Variants in GRIK4 observed in about 807,000 individuals in gnomAD.
The protein encoded by GRIK4 is glutamate receptor ionotropic, kainate 4.
GRIK4 carries 40 observed loss-of-function variants against 104.9 expected under a neutral mutation model. That is an observed-to-expected ratio of 0.38 (90% CI 0.30 to 0.50). The LOEUF is 0.50. GRIK4 is among the 20% of genes least tolerant of loss of function. The pLI is 0.93. For synonymous variants in GRIK4, 485 were observed against 524.9 expected (o/e 0.92, Z 1.04); for missense variants, 1,047 against 1,308.1 (o/e 0.80, Z 3.08).
In GRIK4 at chr11:120,620,313, G is replaced by C. The variant is rs961504034; in HGVS notation, c.-158-33372G>C. 15 of 659,296 alleles carry C rather than the reference G, an allele frequency of 2.3e-5. No individual in the cohort carries two copies. The South Asian group carries it at 2.4e-4, about 10-fold the overall frequency. The allele number at this position is 659,296 out of a possible 1,614,324, so 40.8% of individuals were successfully genotyped here. A position where few individuals can be genotyped will look rare whatever the true frequency, so the allele number is the denominator to read the frequency against. On this transcript the variant is annotated intron_variant, in intron 1 of 20. Transcript: ENST00000527524. ...CTACTTTGCTTCCTCAGGAACTTTA[G>C]TAGTTTCCCAGAGTTCTTTTTCTGC...
chr11:120,787,852 CTTTT>C (rs58523604), intron 3 of GRIK4, among the ~76,000 whole-genome samples: 10 of 77,108 alleles, frequency 1.3e-4, no homozygotes, highest in African/African-American at 4.9e-4. Flanking sequence ...CTTTTCTTTT[CTTTT>C]TTTTTTTTTT....
At chr11:120,840,445 T>C (rs1466271606) in intron 8 of GRIK4, among the ~76,000 whole-genome samples, 5 of 152,240 alleles carry the variant, frequency 3.3e-5, no homozygotes, top group Admixed American at 3.3e-4. Flanking sequence ...AGAGGAAATC[T>C]CTGATCAACA....
At chr11:120,593,188 A>G (rs1948757111) in intron 1 of GRIK4, among the ~76,000 whole-genome samples, 2 of 151,648 alleles carry the variant, frequency 1.3e-5, no homozygotes, top group South Asian at 4.2e-4. Context: ...TCTCAAAAAA[A>G]AAAAAAAAAA....
At chr11:120,850,796 C>CATTATTATTATTATTATT (rs60692595) in intron 8 of GRIK4, among the ~76,000 whole-genome samples, 144 of 144,814 alleles carry the variant, frequency 9.9e-4, no homozygotes, top group South Asian at 2.1e-3. Flanking sequence ...TGGCAAATCA[C>CATTATTATTATTATTATT]ATTATTATTA....
At chr11:120,585,355 T>C (rs1232661128) in intron 1 of GRIK4, among the ~76,000 whole-genome samples, 34 of 147,412 alleles carry the variant, frequency 2.3e-4, no homozygotes, top group Admixed American at 1.3e-3. Flanking sequence ...TTTTTTTTTT[T>C]CTTTTTTTTT....
intron 6 of GRIK4, among the ~76,000 whole-genome samples, chr11:120,820,436 G>T (rs920849212): frequency 6.6e-6 from 1 of 152,214 alleles, no homozygotes; most frequent in African/African-American, 2.4e-5. Context: ...TCCTGATAAA[G>T]CATTTTTTAG....
intron 1 of GRIK4, among the ~76,000 whole-genome samples, chr11:120,606,594 A>G (rs1437463966): frequency 2.0e-5 from 3 of 152,160 alleles, no homozygotes; most frequent in African/African-American, 7.2e-5. Flanking sequence ...AGCACCTACT[A>G]AGTGTTAGAT....
At chr11:120,817,609 A>G (rs918853207) in intron 5 of GRIK4, among the ~76,000 whole-genome samples, 19 of 152,052 alleles carry the variant, frequency 1.2e-4, no homozygotes, top group African/African-American at 4.3e-4. Flanking sequence ...CATTCTGCTC[A>G]CCTCTTCTTG....
intron 3 of GRIK4, among the ~76,000 whole-genome samples, chr11:120,723,912 T>A (rs964982127): frequency 1.3e-5 from 2 of 152,054 alleles, no homozygotes; most frequent in Non-Finnish European, 2.9e-5. Flanking sequence ...ATCACCATAA[T>A]CAAGATCTGG....
rs965496602 is a variant in GRIK4 at position 120,843,507 on chromosome 11, G to T, written c.744+6663G>T. ...TCCAGTCCTGCTACTAACTAGCTGG[G>T]TGTATGGCAATATCAATAGTTGATA... On this transcript the variant is annotated intron_variant, in intron 8 of 20. Transcript: ENST00000527524. 2.6e-5 allele frequency among the ~76,000 whole-genome samples: 4 copies of T among 152,244 alleles called. No homozygotes were observed. In the East Asian group the frequency reaches 7.7e-4, roughly 29 times the overall value.
At chr11:120,805,048 T>C (rs968001926) in intron 4 of GRIK4, among the ~76,000 whole-genome samples, 2 of 145,396 alleles carry the variant, frequency 1.4e-5, no homozygotes, top group Non-Finnish European at 2.9e-5. Flanking sequence ...GCCTATTATA[T>C]TTTATTCTAG....
chr11:120,815,832 G>A (rs994565361), intron 5 of GRIK4, among the ~76,000 whole-genome samples: 2 of 152,178 alleles, frequency 1.3e-5, no homozygotes, highest in African/African-American at 4.8e-5. Flanking sequence ...GTCCACTCTC[G>A]TGTCCACGTG....
chr11:120,553,738 TG>T (rs976908695), intron 1 of GRIK4, among the ~76,000 whole-genome samples: 4 of 152,122 alleles, frequency 2.6e-5, no homozygotes, highest in Non-Finnish European at 5.9e-5. Context: ...GGGAGCAGGC[TG>T]GGGGTGCAGA....
intron 3 of GRIK4, among the ~76,000 whole-genome samples, chr11:120,769,543 A>G (rs944901687): frequency 6.6e-6 from 1 of 152,228 alleles, no homozygotes; most frequent in African/African-American, 2.4e-5. Context: ...TTTTCCCAAA[A>G]CATTAATAAT....
At chr11:120,866,563 T>C (rs1166328019) in intron 9 of GRIK4, among the ~76,000 whole-genome samples, 1 of 152,178 alleles carries the variant, frequency 6.6e-6, no homozygotes, top group Non-Finnish European at 1.5e-5. Context: ...CAGCATCTTA[T>C]GCTCCCCAAG....
At chr11:120,522,888 T>C (rs61900868) in intron 1 of GRIK4, among the ~76,000 whole-genome samples, 17,836 of 152,052 alleles carry the variant, frequency 0.12, 1,431 homozygotes, top group African/African-American at 0.23. Flanking sequence ...TTCTTTAGCA[T>C]GTTTCCAGAG....
At chr11:120,637,113 AAAGAG>A (rs1949407734) in intron 1 of GRIK4, among the ~76,000 whole-genome samples, 3 of 152,156 alleles carry the variant, frequency 2.0e-5, no homozygotes, top group Admixed American at 2.0e-4. Flanking sequence ...ATGCAGGAAG[AAAGAG>A]AAGAGGAGGG....
intron 11 of GRIK4, among the ~76,000 whole-genome samples, chr11:120,887,075 A>G (rs1056546392): frequency 2.0e-5 from 3 of 152,184 alleles, no homozygotes; most frequent in African/African-American, 2.4e-5. Context: ...TCTTCTATCT[A>G]TTGGGCAGAA....
chr11:120,656,355 T>C (rs1362999274), intron 2 of GRIK4, among the ~76,000 whole-genome samples: 1 of 152,258 alleles, frequency 6.6e-6, no homozygotes, highest in Non-Finnish European at 1.5e-5. Flanking sequence ...TGGGCACAGC[T>C]TCCTCATCTG....
Sources: gnomAD v4.1 joint callset for allele counts (sites outside exome capture counted in the v4.1 genomes callset) on GRCh38, gnomAD v4.1.1 for gene constraint, MANE v1.5 for transcripts, NCBI Gene and HGNC (gene_info 2026-07-23, HGNC 2026-07-21) for gene names.